The following CKAP2L variants were observed in gnomAD, a reference collection of about 807,000 sequenced individuals.
CKAP2L encodes cytoskeleton-associated protein 2-like.
In CKAP2L, 42 loss-of-function variants were observed where a neutral mutation model predicts 65.7. The observed-to-expected ratio is 0.64, with a 90% CI of 0.50 to 0.83. CKAP2L has a LOEUF of 0.83. CKAP2L is among the 40% of genes least tolerant of loss of function. CKAP2L has a pLI of 0.00. For missense variants in CKAP2L, 908 were observed against 871.0 expected, an observed-to-expected ratio of 1.04 and a Z score of -0.53; for synonymous variants, 325 against 313.5, an observed-to-expected ratio of 1.04 and a Z score of -0.39.
Position 112,764,438 on chromosome 2 carries a change from C to T in CKAP2L, c.37+124G>A, listed in dbSNP as rs1680834418. 9 of 1,100,446 alleles carry T rather than the reference C, an allele frequency of 8.2e-6. 1 individual carries two copies. In the South Asian group the frequency reaches 1.1e-4, roughly 14 times the overall value. 68.2% of individuals were successfully genotyped at this position (1,100,446 alleles called of 1,614,324 possible). ...TCTGCGCTCCCGGGATGGAAAACGC[C>T]CAGGGGAAACTTAGGCAGGCGAGCG... On this transcript the variant is annotated intron_variant, in intron 1 of 8. Transcript: ENST00000302450.
At chr2:112,760,859 A>C in intron 2 of CKAP2L, 95 bp from the exon 3 acceptor site, 1 of 681,468 alleles carries the variant, frequency 1.5e-6, no homozygotes, top group East Asian at 3.1e-5. Flanking sequence ...TAGAATTTTA[A>C]ATAATTAGAA....
rs1400302958 is a variant in CKAP2L at position 112,736,918 on chromosome 2, G to A, written c.*1905C>T. ...CATGTGAGTGCAGATATCTTTATGA[G>A]GTGATGATTTCATCTTTTTTTTTTT... On this transcript the variant is annotated 3_prime_UTR_variant, in exon 9 of 9. Coordinates refer to ENST00000302450, the MANE Select transcript of CKAP2L (RefSeq NM_152515.5). 2.0e-5 allele frequency: 3 copies of A among 151,934 alleles called. No individual in the cohort carries two copies. The highest frequency in any genetic ancestry group is 6.6e-5 in the Admixed American group (1 of 15,266). 9.4% of individuals were successfully genotyped at this position (151,934 alleles called of 1,614,324 possible).
In CKAP2L at chr2:112,757,039, T is replaced by G; in HGVS notation, c.332A>C (p.Asn111Thr). The change falls in exon 4 of 9, where the codon AAC (asparagine) becomes ACC (threonine). Residue 111 changes from asparagine to threonine, a missense_variant. Asn to Thr is a moderately conservative substitution (Grantham distance 65, BLOSUM62 0). Transcript: ENST00000302450. ...KRLTSECVSSNPYSKPSSKSF... is the reference protein window; with the variant it reads ...KRLTSECVSSTPYSKPSSKSF... ...CTTGCTAGAAGGCTTAGAGTATGGG[T>G]TAGAAGAAACACATTCTGAAGTCAG... The G allele has an allele frequency of 6.2e-7, 1 of 1,614,156 alleles. No individual in the cohort carries two copies. Among genetic ancestry groups the G allele is most frequent in the Non-Finnish European group, 8.5e-7 (1 of 1,180,022 alleles).
chr2:112,764,421 C>T, intron 1 of CKAP2L, 141 bp downstream of exon 1: 1 of 922,848 alleles, frequency 1.1e-6, no homozygotes, highest in Non-Finnish European at 1.7e-6. Flanking sequence ...CGTCTGCGCT[C>T]CCGGGATGGA....
At chr2:112,744,455 C>T (rs1159457433) in intron 6 of CKAP2L, among the ~76,000 whole-genome samples, 1 of 152,178 alleles carries the variant, frequency 6.6e-6, no homozygotes, top group Non-Finnish European at 1.5e-5. Context: ...AGTCAGACCT[C>T]CAAATCCATC....
rs757723098 is a variant in CKAP2L, at chr2:112,738,796, AC to A, written c.*26del. The A allele has an allele frequency of 5.5e-6, 8 of 1,459,440 alleles. No homozygotes were observed. In the South Asian group the frequency reaches 6.9e-5, roughly 13 times the overall value. The allele number at this position is 1,459,440 out of a possible 1,614,324, so 90.4% of individuals were successfully genotyped here. The stretch of plus-strand genomic sequence containing the variant: ...TCTTGTCTTATGTTGGTTCTGAAAC[AC>A]CTTTTTTAAAAAAAGCATCAAGAAA... On this transcript the variant is annotated 3_prime_UTR_variant, in exon 9 of 9. Transcript: ENST00000302450.
chr2:112,748,553 G>T (rs1680271730), intron 5 of CKAP2L, among the ~76,000 whole-genome samples: 1 of 152,166 alleles, frequency 6.6e-6, no homozygotes, highest in Non-Finnish European at 1.5e-5. Flanking sequence ...TCACATGAAA[G>T]ACTTGAAATA....
chr2:112,747,794 C>A (rs984618440), intron 5 of CKAP2L, among the ~76,000 whole-genome samples: 1 of 152,170 alleles, frequency 6.6e-6, no homozygotes, highest in African/African-American at 2.4e-5. Context: ...GCATAAAACT[C>A]AACAAACAAG....
chr2:112,748,790 G>C (rs897357124), intron 5 of CKAP2L, among the ~76,000 whole-genome samples: 4 of 151,784 alleles, frequency 2.6e-5, no homozygotes, highest in African/African-American at 9.7e-5. Flanking sequence ...GGTCCACCCA[G>C]GAGGTTTAAA....
At position 112,756,815 on chromosome 2, in the gene CKAP2L, CTTTG is replaced by C. The variant is rs778989224; in HGVS notation, c.552_555del (p.Asn184LysfsTer8). ...TCTGTTAAGATATCGAGCAAGTTCT[CTTTG>C]TTTGTTTCTTTTAGAAAGTTATCCA... On this transcript the variant is annotated frameshift_variant, in exon 4 of 9. Transcript: ENST00000302450. LOFTEE classifies it high-confidence loss of function. 6.9e-6 allele frequency: 11 copies of C among 1,602,384 alleles called. No individual in the cohort carries two copies. The highest frequency in any genetic ancestry group is 3.3e-4 in the Middle Eastern group (2 of 5,978).
intron 6 of CKAP2L, among the ~76,000 whole-genome samples, chr2:112,744,020 G>A (rs918826591): frequency 6.6e-5 from 10 of 152,032 alleles, no homozygotes; most frequent in South Asian, 2.1e-4. Flanking sequence ...AAAGCTTTCC[G>A]TACATTTTTT....
chr2:112,748,425 T>C (rs944057147), intron 5 of CKAP2L, among the ~76,000 whole-genome samples: 2 of 145,968 alleles, frequency 1.4e-5, no homozygotes, highest in Non-Finnish European at 3.0e-5. Flanking sequence ...ATTAAGAAAT[T>C]TCCCCCAGCC....
At chr2:112,740,190 TG>T (rs1376921936) in intron 8 of CKAP2L, among the ~76,000 whole-genome samples, 1 of 152,210 alleles carries the variant, frequency 6.6e-6, no homozygotes, top group East Asian at 1.9e-4. Context: ...ATGAGCTGAC[TG>T]TAGTGGGAAA....
chr2:112,746,586 C>T lies in CKAP2L; in HGVS notation c.1603-11G>A. On this transcript the variant is annotated splice_polypyrimidine_tract_variant and intron_variant, in intron 5 of 8. Coordinates refer to ENST00000302450, the MANE Select transcript of CKAP2L (RefSeq NM_152515.5). ...ATTAGAAGGTACACCCTGAAATAAA[C>T]CAAAATATCCAGAGGTAATTATTAC... 6.3e-7 allele frequency: 1 copy of T among 1,587,998 alleles called. No individual in the cohort carries two copies. The highest frequency in any genetic ancestry group is 1.3e-5 in the African/African-American group (1 of 74,466).
rs558872971 is a variant in CKAP2L, at chr2:112,745,661, G to A, written c.1758+759C>T. ...CTCCCCAAGTGCTGGGATTACAGGC[G>A]TGAAACACCGTGCCCAGCCCATATA... On this transcript the variant is annotated intron_variant, in intron 6 of 8. Transcript: ENST00000302450. Among the ~76,000 whole-genome samples, 9 of 152,292 alleles carry A rather than the reference G, an allele frequency of 5.9e-5. No individual in the cohort carries two copies. In the East Asian group the frequency reaches 1.3e-3, roughly 23 times the overall value.
chr2:112,742,967 T>C (rs1294854558), intron 6 of CKAP2L, 198 bp from the exon 7 acceptor site: 19 of 555,654 alleles, frequency 3.4e-5, no homozygotes, highest in Non-Finnish European at 4.8e-5. Flanking sequence ...TCTGATTAAG[T>C]GTTGGCACAC....
In CKAP2L at chr2:112,757,109, A is replaced by G. The variant is rs769111717; in HGVS notation, c.262T>C (p.Ser88Pro). The G allele has an allele frequency of 1.4e-5, 23 of 1,614,006 alleles. No individual in the cohort carries two copies. Among genetic ancestry groups the G allele is most frequent in the Non-Finnish European group, 1.8e-5 (21 of 1,180,030 alleles). The change falls in exon 4 of 9, where the codon TCC becomes CCC. Residue 88 changes from serine to proline, a missense_variant. Physicochemically the swap from Ser to Pro is moderately conservative, Grantham distance 74. Coordinates refer to ENST00000302450, the MANE Select transcript of CKAP2L (RefSeq NM_152515.5). ...LQPRPPNTAG[S>P]QKPKLEPPKL... ...GGTGGCTCCAACTTCGGCTTCTGGGACCCTGCAGTATTAGGTGGTCTGGGC... is the reference window on the plus strand; with the variant it reads ...GGTGGCTCCAACTTCGGCTTCTGGGGCCCTGCAGTATTAGGTGGTCTGGGC...
intron 5 of CKAP2L, 102 bp from the exon 6 acceptor site, chr2:112,746,677 C>G (rs1245043267): frequency 1.2e-6 from 1 of 845,786 alleles, no homozygotes; most frequent in Non-Finnish European, 1.8e-6. Context: ...TTGGTTTGAT[C>G]ACTAATATTT....
At chr2:112,744,491 T>C (rs1680137057) in intron 6 of CKAP2L, among the ~76,000 whole-genome samples, 1 of 152,202 alleles carries the variant, frequency 6.6e-6, no homozygotes, top group Admixed American at 6.5e-5. Context: ...CTATGCAGCC[T>C]AGTAACTGTG....
Sources: allele counts gnomAD v4.1 joint callset (sites outside exome capture counted in the v4.1 genomes callset), GRCh38; gene constraint gnomAD v4.1.1; transcripts MANE v1.5; gene names NCBI Gene and HGNC (gene_info 2026-07-23, HGNC 2026-07-21).